Variants in ROCK1 observed in about 807,000 individuals in gnomAD.
ROCK1 encodes rho-associated protein kinase 1.
A neutral mutation model predicts 196.8 loss-of-function variants in ROCK1; 36 were observed. That is an observed-to-expected ratio of 0.18 (90% CI 0.14 to 0.24). ROCK1 has a LOEUF of 0.24. Among genes scored for constraint, ROCK1 ranks in the 10% least tolerant of loss-of-function variants. The pLI, the probability that ROCK1 is intolerant of heterozygous loss-of-function variation, is 1.00. For missense variants in ROCK1, 920 were observed against 1,562.0 expected (o/e 0.59, Z 6.93); for synonymous variants, 443 against 515.9 (o/e 0.86, Z 1.91).
intron 11 of ROCK1, 43 bp from the exon 12 acceptor site, chr18:21,020,282 A>G (rs2035903300): frequency 9.6e-7 from 1 of 1,040,606 alleles, no homozygotes; most frequent in South Asian, 1.5e-5. Context: ...TACTAAGAAT[A>G]TTTAGACATT....
At chr18:21,045,258 C>T (rs1305096590) in intron 5 of ROCK1, 34 bp downstream of exon 5, 3 of 1,534,198 alleles carry the variant, frequency 2.0e-6, no homozygotes, top group African/African-American at 2.8e-5. Context: ...TTTCCCTCAA[C>T]AAATGAGAAA....
At chr18:20,988,392 TCTC>T (rs1318987022) in intron 18 of ROCK1, among the ~76,000 whole-genome samples, 1 of 152,040 alleles carries the variant, frequency 6.6e-6, no homozygotes, top group African/African-American at 2.4e-5. Context: ...TCATCACTCT[TCTC>T]CTCTATACCT....
chr18:20,949,007 T>C lies in ROCK1; in HGVS notation c.*2377A>G, dbSNP rs1231081968. 6.6e-6 allele frequency: 1 copy of C among 151,668 alleles called. No individual in the cohort carries two copies. Among genetic ancestry groups the C allele is most frequent in the Non-Finnish European group, 1.5e-5 (1 of 67,886 alleles). 9.4% of individuals were successfully genotyped at this position (151,668 alleles called of 1,614,324 possible). A position where few individuals can be genotyped will look rare whatever the true frequency, so the allele number is the denominator to read the frequency against. Reference sequence around the variant, plus strand: ...ACTATCTGGACCCTCTCAATATTGGTATACTTGGGAGTGAGTGGTTTCCTG... The same window carrying C: ...ACTATCTGGACCCTCTCAATATTGGCATACTTGGGAGTGAGTGGTTTCCTG... On this transcript the variant is annotated 3_prime_UTR_variant, in exon 33 of 33. Coordinates refer to ENST00000399799, the MANE Select transcript of ROCK1 (RefSeq NM_005406.3).
At chr18:21,099,684 G>A (rs1451853974) in intron 1 of ROCK1, among the ~76,000 whole-genome samples, 2 of 152,184 alleles carry the variant, frequency 1.3e-5, no homozygotes, top group Non-Finnish European at 2.9e-5. Flanking sequence ...GGAAGAGGCT[G>A]CAGTGAACCG....
intron 29 of ROCK1, among the ~76,000 whole-genome samples, chr18:20,956,298 T>C (rs1179863169): frequency 1.3e-5 from 2 of 152,184 alleles, no homozygotes; most frequent in Admixed American, 6.5e-5. Flanking sequence ...TTTAAAATTG[T>C]CTCTAGATAA....
chr18:21,046,572 G>GC (rs1396842377), intron 4 of ROCK1, among the ~76,000 whole-genome samples: 1 of 152,184 alleles, frequency 6.6e-6, no homozygotes, highest in Non-Finnish European at 1.5e-5. Flanking sequence ...GAAGGCAGCA[G>GC]CTAGGGTTCA....
At chr18:21,046,361 G>A (rs190296462) in intron 4 of ROCK1, among the ~76,000 whole-genome samples, 23 of 152,306 alleles carry the variant, frequency 1.5e-4, no homozygotes, top group Admixed American at 3.9e-4. Context: ...CTGGCGGTTA[G>A]CAATTGCTTA....
intron 31 of ROCK1, 94 bp downstream of exon 31, chr18:20,954,689 T>G: frequency 7.9e-7 from 1 of 1,264,454 alleles, no homozygotes; most frequent in Non-Finnish European, 1.1e-6. Flanking sequence ...TAATCTCTTT[T>G]CAACTTGGTA....
At chr18:20,979,043 T>A (rs2035506217) in intron 22 of ROCK1, among the ~76,000 whole-genome samples, 1 of 152,340 alleles carries the variant, frequency 6.6e-6, no homozygotes, top group South Asian at 2.1e-4. Flanking sequence ...TACTATCTTG[T>A]TGCGCCTGTC....
chr18:21,052,250 A>G (rs1241733960), intron 2 of ROCK1, among the ~76,000 whole-genome samples: 1 of 152,220 alleles, frequency 6.6e-6, no homozygotes, highest in African/African-American at 2.4e-5. Flanking sequence ...CAGAGATTCT[A>G]TGGTTCTACT....
At position 20,987,921 on chromosome 18, in the gene ROCK1, C is replaced by T. The variant is rs577901718; in HGVS notation, c.2144-811G>A. Reference sequence around the variant, plus strand: ...TTCTTCTGACTCTTGGTATCTCTCTCCTGAGCTCCAGACTTAGATACCAAT... The same window carrying T: ...TTCTTCTGACTCTTGGTATCTCTCTTCTGAGCTCCAGACTTAGATACCAAT... On this transcript the variant is annotated intron_variant, in intron 18 of 32. Transcript: ENST00000399799. Among the ~76,000 whole-genome samples the T allele has an allele frequency of 4.6e-5, 7 of 152,278 alleles. No homozygotes were observed. The South Asian group carries it at 1.2e-3, about 27-fold the overall frequency.
intron 14 of ROCK1, among the ~76,000 whole-genome samples, chr18:21,007,246 A>T: frequency 6.6e-6 from 1 of 152,046 alleles, no homozygotes; most frequent in East Asian, 1.9e-4. Flanking sequence ...CTCCTCCCTA[A>T]TATATATTTA....
intron 12 of ROCK1, among the ~76,000 whole-genome samples, chr18:21,016,599 C>T (rs1035903747): frequency 2.6e-5 from 4 of 152,032 alleles, no homozygotes; most frequent in Non-Finnish European, 4.4e-5. Context: ...CATTAAATAC[C>T]TCATTCAGCA....
intron 2 of ROCK1, among the ~76,000 whole-genome samples, chr18:21,067,880 T>C (rs138884163): frequency 3.0e-4 from 46 of 152,320 alleles, no homozygotes; most frequent in African/African-American, 1.1e-3. Context: ...ATATTTTCGG[T>C]TAATTTTTGT....
intron 5 of ROCK1, 66 bp from the exon 6 acceptor site, chr18:21,044,252 G>A: frequency 8.1e-7 from 1 of 1,231,184 alleles, no homozygotes; most frequent in South Asian, 1.3e-5. Context: ...AATTATATGA[G>A]GCAGTTATTT....
intron 26 of ROCK1, 72 bp from the exon 27 acceptor site, chr18:20,967,148 TA>T: frequency 1.9e-6 from 2 of 1,035,572 alleles, no homozygotes; most frequent in Non-Finnish European, 2.9e-6. Context: ...TGAAATATGA[TA>T]ATTTAAATTG....
chr18:21,036,110 A>G (rs578250542), intron 9 of ROCK1, among the ~76,000 whole-genome samples: 1 of 152,348 alleles, frequency 6.6e-6, no homozygotes, highest in East Asian at 1.9e-4. Flanking sequence ...TTAAAAATCC[A>G]TTATAATGTT....
At chr18:21,065,960 T>C (rs2036330875) in intron 2 of ROCK1, among the ~76,000 whole-genome samples, 1 of 152,202 alleles carries the variant, frequency 6.6e-6, no homozygotes, top group Admixed American at 6.5e-5. Context: ...TAATTTAATA[T>C]GACTTAAGCT....
chr18:21,107,114 T>G (rs1230819927), intron 1 of ROCK1, among the ~76,000 whole-genome samples: 1 of 152,248 alleles, frequency 6.6e-6, no homozygotes, highest in East Asian at 1.9e-4. Context: ...TTAATAATTT[T>G]GTGCATGAAA....
Sources: gnomAD v4.1 joint callset for allele counts (sites outside exome capture counted in the v4.1 genomes callset) on GRCh38, gnomAD v4.1.1 for gene constraint, MANE v1.5 for transcripts, NCBI Gene and HGNC (gene_info 2026-07-23, HGNC 2026-07-21) for gene names.